Variants in PCGF5 observed in about 807,000 individuals in gnomAD.
PCGF5 encodes the protein polycomb group RING finger protein 5.
PCGF5 carries 9 observed loss-of-function variants against 44.3 expected under a neutral mutation model. The observed-to-expected ratio is 0.20, with a 90% CI of 0.12 to 0.35. PCGF5 has a LOEUF of 0.35. PCGF5 is among the 10% of genes least tolerant of loss of function. The pLI is 1.00. For synonymous variants in PCGF5, 95 were observed against 102.5 expected (o/e 0.93, Z 0.44); for missense variants, 146 against 305.3 (o/e 0.48, Z 3.89).
intron 5 of PCGF5, among the ~76,000 whole-genome samples, chr10:91,250,260 T>A (rs1229290197): frequency 6.6e-6 from 1 of 152,020 alleles, no homozygotes; most frequent in East Asian, 1.9e-4. Context: ...CTCCCCGCTC[T>A]ATGGTATACC....
chr10:91,206,690 T>TG lies in PCGF5; in HGVS notation c.-183-15994dup, dbSNP rs1564633391. Among the ~76,000 whole-genome samples the TG allele has an allele frequency of 6.6e-5, 10 of 152,290 alleles. 1 individual carries two copies. In the South Asian group the frequency reaches 2.1e-3, roughly 32 times the overall value. ...AGGGTGAAGTCTCAGTAACAGCCTG[T>TG]GGGGGACTGCATGGTCTCTGACTTC... is the stretch of plus-strand genomic sequence containing the variant. On this transcript the variant is annotated intron_variant, in intron 1 of 9. Coordinates refer to the PCGF5 transcript ENST00000614189.
At chr10:91,251,557 A>C in intron 6 of PCGF5, 117 bp downstream of exon 6, 1 of 962,328 alleles carries the variant, frequency 1.0e-6, no homozygotes, top group Non-Finnish European at 1.6e-6. Context: ...AATTAACATA[A>C]TTAAATAAAA....
intron 1 of PCGF5, among the ~76,000 whole-genome samples, chr10:91,199,477 G>A (rs1844206787): frequency 6.6e-6 from 1 of 152,194 alleles, no homozygotes; most frequent in Non-Finnish European, 1.5e-5. Flanking sequence ...CCTTGGGCAA[G>A]GAGGATCTTT....
chr10:91,177,551 C>A (rs1843731979), intron 1 of PCGF5, among the ~76,000 whole-genome samples: 1 of 152,210 alleles, frequency 6.6e-6, no homozygotes, highest in Admixed American at 6.5e-5. Context: ...CGGTGGGCTC[C>A]ACCCAGTTCG....
chr10:91,226,314 A>AAAAG (rs398014421), intron 2 of PCGF5, among the ~76,000 whole-genome samples: 11 of 150,456 alleles, frequency 7.3e-5, no homozygotes, highest in African/African-American at 2.4e-4. Context: ...AAAAAAAAAA[A>AAAAG]TGCTGTTAAG....
At chr10:91,208,798 C>T (rs1844395453) in intron 1 of PCGF5, among the ~76,000 whole-genome samples, 1 of 152,158 alleles carries the variant, frequency 6.6e-6, no homozygotes, top group Non-Finnish European at 1.5e-5. Context: ...TTCCTGGTTT[C>T]TGGGACCATG....
At chr10:91,190,991 G>C (rs750517837) in intron 1 of PCGF5, among the ~76,000 whole-genome samples, 1 of 152,058 alleles carries the variant, frequency 6.6e-6, no homozygotes, top group Non-Finnish European at 1.5e-5. Flanking sequence ...ATACTTACAG[G>C]TTTTGTCAAA....
intron 1 of PCGF5, among the ~76,000 whole-genome samples, chr10:91,182,145 TATC>T (rs1328259053): frequency 2.0e-5 from 3 of 152,024 alleles, no homozygotes; most frequent in African/African-American, 7.2e-5. Flanking sequence ...ATGTCCCCCT[TATC>T]ATTTCTGATT....
At chr10:91,242,432 A>C (rs1845352724) in intron 3 of PCGF5, among the ~76,000 whole-genome samples, 1 of 152,152 alleles carries the variant, frequency 6.6e-6, no homozygotes, top group African/African-American at 2.4e-5. Context: ...AAAACTGTTA[A>C]TAAAAACAGA....
intron 9 of PCGF5, among the ~76,000 whole-genome samples, chr10:91,276,022 T>C (rs1265850653): frequency 6.6e-6 from 1 of 151,810 alleles, no homozygotes; most frequent in African/African-American, 2.4e-5. Flanking sequence ...TACCAAATGG[T>C]ATGGAAATAG....
intron 1 of PCGF5, among the ~76,000 whole-genome samples, chr10:91,172,905 A>G (rs952500371): frequency 6.6e-6 from 1 of 152,238 alleles, no homozygotes; most frequent in African/African-American, 2.4e-5. Flanking sequence ...TTTTGAACTC[A>G]GAACTTTGAA....
chr10:91,218,278 T>G (rs74150612), upstream of PCGF5, among the ~76,000 whole-genome samples: 1 of 152,180 alleles, frequency 6.6e-6, no homozygotes, highest in African/African-American at 2.4e-5. Context: ...CTGAAGTACA[T>G]TATTGATAAG....
At chr10:91,227,409 A>C (rs1844873932) in intron 2 of PCGF5, 2 of 1,289,490 alleles carry the variant, frequency 1.6e-6, no homozygotes, top group African/African-American at 3.0e-5. Flanking sequence ...ACGAATGATC[A>C]AATGGGATGC....
At chr10:91,250,256 G>A (rs1006851621) in intron 5 of PCGF5, among the ~76,000 whole-genome samples, 7 of 151,870 alleles carry the variant, frequency 4.6e-5, no homozygotes, top group East Asian at 1.9e-4. Flanking sequence ...CCACCTCCCC[G>A]CTCTATGGTA....
At chr10:91,183,033 C>T (rs527315490) in intron 1 of PCGF5, among the ~76,000 whole-genome samples, 9 of 152,164 alleles carry the variant, frequency 5.9e-5, no homozygotes, top group African/African-American at 2.2e-4. Flanking sequence ...GTTTTACTTC[C>T]GATTATATGA....
At chr10:91,212,085 T>C (rs1475440390) in intron 1 of PCGF5, among the ~76,000 whole-genome samples, 1 of 152,216 alleles carries the variant, frequency 6.6e-6, no homozygotes, top group Non-Finnish European at 1.5e-5. Flanking sequence ...CTATAAATAA[T>C]AAATGAAACA....
At chr10:91,220,546 T>A (rs1365313678), upstream of PCGF5, 3 of 150,106 alleles carry the variant, frequency 2.0e-5, no homozygotes, top group Non-Finnish European at 4.5e-5. Context: ...GTGGTGGGCG[T>A]GGCCGGGCGG....
chr10:91,233,700 C>G (rs923968864), intron 2 of PCGF5, among the ~76,000 whole-genome samples: 6 of 152,180 alleles, frequency 3.9e-5, no homozygotes, highest in East Asian at 1.9e-4. Context: ...ACTGATGCCT[C>G]TTCTCTTTGA....
At chr10:91,180,211 G>A (rs1843794261) in intron 1 of PCGF5, among the ~76,000 whole-genome samples, 1 of 151,738 alleles carries the variant, frequency 6.6e-6, no homozygotes, top group Non-Finnish European at 1.5e-5. Flanking sequence ...TTCTTTTCTT[G>A]TAAATTTAAG....
Sources: allele counts gnomAD v4.1 joint callset (sites outside exome capture counted in the v4.1 genomes callset), GRCh38; gene constraint gnomAD v4.1.1; transcripts MANE v1.5; gene names NCBI Gene and HGNC (gene_info 2026-07-23, HGNC 2026-07-21).